The following XYLT1 variants were observed in gnomAD, a reference collection of about 807,000 sequenced individuals.
XYLT1 encodes beta-D-xylosyltransferase 1.
A neutral mutation model predicts 91.3 loss-of-function variants in XYLT1; 36 were observed. The ratio of observed to expected loss-of-function variants is 0.39; its 90% CI spans 0.30 to 0.52. XYLT1 has a LOEUF of 0.52. Among genes scored for constraint, XYLT1 ranks in the 20% least tolerant of loss-of-function variants. The pLI is 0.68. For missense variants in XYLT1, 1,242 were observed against 1,284.5 expected (o/e 0.97, Z 0.51); for synonymous variants, 588 against 532.0 (o/e 1.11, Z -1.45).
intron 3 of XYLT1, among the ~76,000 whole-genome samples, chr16:17,236,826 T>C (rs577616313): frequency 6.6e-6 from 1 of 152,348 alleles, no homozygotes; most frequent in Admixed American, 6.5e-5. Flanking sequence ...CCTCTTTTTA[T>C]ACGGACACAG....
intron 3 of XYLT1, chr16:17,251,545 G>A (rs1285717551): frequency 1.3e-5 from 2 of 152,294 alleles, no homozygotes; most frequent in Admixed American, 6.5e-5. Flanking sequence ...AGAAATGCAG[G>A]AGCAACGCAA....
At chr16:17,409,163 C>T (rs1026643580) in intron 1 of XYLT1, among the ~76,000 whole-genome samples, 2 of 152,152 alleles carry the variant, frequency 1.3e-5, no homozygotes, top group Admixed American at 6.5e-5. Context: ...CCTCCTCCTT[C>T]GACGCTAGAA....
intron 2 of XYLT1, among the ~76,000 whole-genome samples, chr16:17,286,920 C>T (rs540871199): frequency 1.3e-5 from 2 of 152,234 alleles, no homozygotes; most frequent in East Asian, 3.9e-4. Flanking sequence ...GAATTCTGTT[C>T]AGGTGTTTGG....
chr16:17,276,358 T>C (rs1185267247), intron 2 of XYLT1, among the ~76,000 whole-genome samples: 3 of 152,198 alleles, frequency 2.0e-5, no homozygotes, highest in Non-Finnish European at 4.4e-5. Context: ...GAGGTTGGCA[T>C]GGCCTGCAGG....
chr16:17,192,618 A>C (rs1654661555), intron 5 of XYLT1, among the ~76,000 whole-genome samples: 1 of 152,182 alleles, frequency 6.6e-6, no homozygotes, highest in Admixed American at 6.5e-5. Flanking sequence ...TGCTGGGTAC[A>C]CAACCAGCTC....
chr16:17,108,740 G>GGGGTCA lies in XYLT1; in HGVS notation c.2829_2834dup (p.Asp944_Pro945dup). On this transcript the variant is annotated inframe_insertion, in exon 12 of 12. Transcript: ENST00000261381. ...GTTTGACTGCCCCCAGCTCCGACTT[G>GGGGTCA]GGGTCAGGGCTGAAGGAGCTCCAGG... 6.2e-7 allele frequency: 1 copy of GGGGTCA among 1,602,154 alleles called. No homozygotes were observed. Among genetic ancestry groups the GGGGTCA allele is most frequent in the South Asian group, 1.1e-5 (1 of 90,552 alleles).
At chr16:17,210,737 C>T (rs1597194665) in intron 3 of XYLT1, among the ~76,000 whole-genome samples, 2 of 152,096 alleles carry the variant, frequency 1.3e-5, no homozygotes, top group African/African-American at 2.4e-5. Context: ...TCAGAGTTAC[C>T]CAAGAGAGGA....
intron 2 of XYLT1, among the ~76,000 whole-genome samples, chr16:17,296,305 C>A (rs1001366079): frequency 6.6e-6 from 1 of 152,144 alleles, no homozygotes; most frequent in Non-Finnish European, 1.5e-5. Flanking sequence ...GCAGGCTCAG[C>A]GCGTTTATCC....
intron 2 of XYLT1, among the ~76,000 whole-genome samples, chr16:17,300,452 C>CTATTTTTTTTTTTTTTTTTTTTTTTTTT (rs2034376875): frequency 1.5e-5 from 1 of 64,842 alleles, no homozygotes; most frequent in African/African-American, 6.2e-5. Flanking sequence ...TTCATTCTTT[C>CTATTTTTTTTTTTTTTTTTTTTTTTTTT]TTTTTTTTTT....
intron 2 of XYLT1, among the ~76,000 whole-genome samples, chr16:17,337,768 A>AAT (rs1272127217): frequency 4.9e-5 from 5 of 102,528 alleles, no homozygotes; most frequent in South Asian, 2.7e-4. Context: ...TCTGTTCCAC[A>AAT]TTTTTTCTTT....
intron 3 of XYLT1, among the ~76,000 whole-genome samples, chr16:17,208,912 A>G (rs1193536457): frequency 1.3e-5 from 2 of 152,116 alleles, no homozygotes; most frequent in African/African-American, 4.8e-5. Context: ...TTTTTAGTAG[A>G]GATGGGGTTT....
At chr16:17,308,216 G>A (rs573811470) in intron 2 of XYLT1, among the ~76,000 whole-genome samples, 1 of 152,308 alleles carries the variant, frequency 6.6e-6, no homozygotes, top group East Asian at 1.9e-4. Flanking sequence ...GATGGTGCCA[G>A]TAAGCTTTCT....
At chr16:17,295,811 G>A (rs747558759) in intron 2 of XYLT1, among the ~76,000 whole-genome samples, 5 of 152,164 alleles carry the variant, frequency 3.3e-5, no homozygotes, top group Non-Finnish European at 5.9e-5. Context: ...TAATGCACAG[G>A]ACGACCCTCC....
intron 1 of XYLT1, among the ~76,000 whole-genome samples, chr16:17,443,463 T>C (rs939977895): frequency 4.6e-5 from 7 of 152,084 alleles, no homozygotes; most frequent in Admixed American, 3.9e-4. Context: ...ACTGACAGTT[T>C]CCCCTGCATT....
chr16:17,111,691 C>G (rs1966841162), intron 11 of XYLT1, among the ~76,000 whole-genome samples: 1 of 152,226 alleles, frequency 6.6e-6, no homozygotes, highest in Admixed American at 6.5e-5. Context: ...CTAACACAGA[C>G]AAGATCGCCA....
chr16:17,160,977 C>T (rs1430552485), intron 5 of XYLT1, among the ~76,000 whole-genome samples: 1 of 152,148 alleles, frequency 6.6e-6, no homozygotes, highest in Non-Finnish European at 1.5e-5. Flanking sequence ...CTGATGAATA[C>T]GAGACAAGTT....
At chr16:17,284,549 T>G (rs756242652) in intron 2 of XYLT1, among the ~76,000 whole-genome samples, 4 of 152,184 alleles carry the variant, frequency 2.6e-5, no homozygotes, top group Non-Finnish European at 5.9e-5. Context: ...AGCATTTGGG[T>G]GGCCCAATGG....
rs935469020 is a variant in XYLT1 at position 17,220,496 on chromosome 16, G to A, written c.914-19842C>T. ...AACTTTTTGTTTTTGTTTTTGAGAC[G>A]TAGTCCCACTCTGTCCCCCAGGCTG... On this transcript the variant is annotated intron_variant, in intron 3 of 11. Transcript: ENST00000261381. 2.6e-5 allele frequency among the ~76,000 whole-genome samples: 4 copies of A among 152,100 alleles called. No homozygotes were observed. In the East Asian group the frequency reaches 7.7e-4, roughly 29 times the overall value.
At chr16:17,111,052 C>T (rs537272731) in intron 11 of XYLT1, among the ~76,000 whole-genome samples, 32 of 152,088 alleles carry the variant, frequency 2.1e-4, no homozygotes, top group African/African-American at 6.0e-4. Context: ...CCCAGGTACT[C>T]GGGAGGGTGA....
Sources: allele counts gnomAD v4.1 joint callset (sites outside exome capture counted in the v4.1 genomes callset), GRCh38; gene constraint gnomAD v4.1.1; transcripts MANE v1.5; gene names NCBI Gene and HGNC (gene_info 2026-07-23, HGNC 2026-07-21).